Variants in KDM4C observed in about 807,000 individuals in gnomAD.
The protein encoded by KDM4C is lysine demethylase 4C.
In KDM4C, 81 loss-of-function variants were observed where a neutral mutation model predicts 129.3. The observed-to-expected ratio is 0.63, with a 90% confidence interval of 0.52 to 0.75. KDM4C has a LOEUF of 0.75. KDM4C is among the 30% of genes least tolerant of loss of function. KDM4C has a pLI of 0.00. For missense variants in KDM4C, 1,457 were observed against 1,304.0 expected, an observed-to-expected ratio of 1.12 and a Z score of -1.81; for synonymous variants, 573 against 456.1, an observed-to-expected ratio of 1.26 and a Z score of -3.26.
At chr9:7,147,784 G>T (rs1174592328) in intron 19 of KDM4C, among the ~76,000 whole-genome samples, 1 of 152,212 alleles carries the variant, frequency 6.6e-6, no homozygotes, top group East Asian at 1.9e-4. Context: ...CCAGGCAAGG[G>T]AGTTGACACC....
intron 8 of KDM4C, among the ~76,000 whole-genome samples, chr9:6,907,293 A>G (rs961144760): frequency 6.6e-6 from 1 of 152,240 alleles, no homozygotes; most frequent in Non-Finnish European, 1.5e-5. Context: ...GGTTAATGCT[A>G]TGGCCAGAGG....
intron 19 of KDM4C, among the ~76,000 whole-genome samples, chr9:7,143,416 A>G (rs1263982507): frequency 2.0e-5 from 3 of 152,248 alleles, no homozygotes; most frequent in African/African-American, 2.4e-5. Context: ...AAAGAATAGA[A>G]AAGCTCTTAC....
At chr9:7,093,805 T>C (rs1380448545) in intron 17 of KDM4C, among the ~76,000 whole-genome samples, 12 of 152,192 alleles carry the variant, frequency 7.9e-5, no homozygotes, top group African/African-American at 2.9e-4. Context: ...TAAGCATAAA[T>C]ATTTTGAAAC....
intron 4 of KDM4C, among the ~76,000 whole-genome samples, chr9:6,819,875 A>G (rs1044045696): frequency 2.0e-5 from 3 of 152,224 alleles, no homozygotes; most frequent in African/African-American, 7.2e-5. Flanking sequence ...TTTAAATTGT[A>G]CCAAGAACTG....
rs71308873 is a variant in KDM4C, at chr9:6,725,323, A to AGTGTGT, written c.49+4337_49+4342dup. Among the ~76,000 whole-genome samples the AGTGTGT allele has an allele frequency of 7.6e-3, 1,138 of 150,312 alleles. 15 individuals are homozygous for AGTGTGT. Among genetic ancestry groups the AGTGTGT allele is most frequent in the African/African-American group, 0.026 (1,055 of 40,920 alleles). ...ATTGGGCTCTTGCTGGAGTGCATCTAGTGTGTGTGTGTGTGTCTTTCTCTG... is the reference window on the plus strand; with the variant it reads ...ATTGGGCTCTTGCTGGAGTGCATCTAGTGTGTGTGTGTGTGTGTGTGTCTTTCTCTG... On this transcript the variant is annotated intron_variant, in intron 1 of 17. Transcript: ENST00000536108.
At chr9:6,831,164 G>A (rs566164132) in intron 4 of KDM4C, among the ~76,000 whole-genome samples, 12 of 152,070 alleles carry the variant, frequency 7.9e-5, no homozygotes, top group Admixed American at 2.6e-4. Flanking sequence ...TTTTACTATC[G>A]AAGAAATATA....
intron 1 of KDM4C, among the ~76,000 whole-genome samples, chr9:6,732,083 TG>T (rs910833779): frequency 3.9e-5 from 6 of 151,912 alleles, no homozygotes; most frequent in Admixed American, 6.6e-5. Context: ...AGAATGAGGC[TG>T]GGGCTGGGTG....
At chr9:6,789,440 G>A (rs937918790) in intron 1 of KDM4C, among the ~76,000 whole-genome samples, 2 of 151,874 alleles carry the variant, frequency 1.3e-5, no homozygotes, top group South Asian at 2.1e-4. Context: ...AGGCTGTCTC[G>A]AACTCCTGAC....
chr9:6,975,827 C>T (rs1009324456), intron 8 of KDM4C, among the ~76,000 whole-genome samples: 2 of 152,172 alleles, frequency 1.3e-5, no homozygotes, highest in Admixed American at 6.5e-5. Context: ...CACCCGAGGT[C>T]AGGAGTTTGA....
chr9:7,130,647 A>T (rs1034938478), intron 19 of KDM4C, among the ~76,000 whole-genome samples: 1 of 152,262 alleles, frequency 6.6e-6, no homozygotes, highest in Admixed American at 6.5e-5. Context: ...GCATATGCCC[A>T]TGTGGCCACA....
At chr9:6,916,227 T>TA (rs1291456246) in intron 8 of KDM4C, among the ~76,000 whole-genome samples, 21 of 117,158 alleles carry the variant, frequency 1.8e-4, no homozygotes, top group African/African-American at 5.5e-4. Flanking sequence ...TTGAAAGTTT[T>TA]ACAGAGTTAT....
At chr9:6,955,700 G>A (rs954463984) in intron 8 of KDM4C, among the ~76,000 whole-genome samples, 1 of 152,080 alleles carries the variant, frequency 6.6e-6, no homozygotes, top group Non-Finnish European at 1.5e-5. Flanking sequence ...TAATCTTTTG[G>A]CTCCTTGCCA....
intron 2 of KDM4C, among the ~76,000 whole-genome samples, chr9:6,801,777 T>G (rs538167199): frequency 7.9e-5 from 12 of 151,974 alleles, no homozygotes; most frequent in Non-Finnish European, 1.6e-4. Context: ...AATAGTAAAA[T>G]GATAAAGAGA....
At chr9:6,825,735 CAGGT>C (rs1833769972) in intron 4 of KDM4C, among the ~76,000 whole-genome samples, 1 of 152,146 alleles carries the variant, frequency 6.6e-6, no homozygotes, top group African/African-American at 2.4e-5. Flanking sequence ...TTGTTATCTT[CAGGT>C]ATTTATTAAT....
chr9:7,119,415 G>A (rs1466952799), intron 18 of KDM4C, among the ~76,000 whole-genome samples: 1 of 152,070 alleles, frequency 6.6e-6, no homozygotes, highest in Non-Finnish European at 1.5e-5. Flanking sequence ...TCAATCTTGA[G>A]CATAGGCAGA....
intron 8 of KDM4C, among the ~76,000 whole-genome samples, chr9:6,958,056 C>A (rs562001133): frequency 4.6e-4 from 69 of 149,394 alleles, no homozygotes; most frequent in Middle Eastern, 3.5e-3. Flanking sequence ...TTAGTTATAA[C>A]AACTGAGGGT....
At chr9:6,991,338 C>T (rs1188171359) in intron 12 of KDM4C, among the ~76,000 whole-genome samples, 1 of 152,142 alleles carries the variant, frequency 6.6e-6, no homozygotes, top group Non-Finnish European at 1.5e-5. Flanking sequence ...CCTGCCTCAG[C>T]CCCGCAAAGT....
intron 7 of KDM4C, among the ~76,000 whole-genome samples, chr9:6,889,998 G>A (rs531365091): frequency 2.6e-5 from 4 of 152,084 alleles, no homozygotes; most frequent in South Asian, 2.1e-4. Flanking sequence ...GGAAAGTGGC[G>A]AGATGAATTT....
chr9:6,763,231 T>C (rs1469387863), intron 1 of KDM4C, among the ~76,000 whole-genome samples: 14 of 152,114 alleles, frequency 9.2e-5, no homozygotes. Flanking sequence ...GCCCAGCCAG[T>C]CTCCTTCCTA....
Sources: allele counts gnomAD v4.1 joint callset (sites outside exome capture counted in the v4.1 genomes callset), GRCh38; gene constraint gnomAD v4.1.1; transcripts MANE v1.5; gene names NCBI Gene and HGNC (gene_info 2026-07-23, HGNC 2026-07-21).